Variants in WDR43 observed in about 807,000 individuals in gnomAD.
The protein encoded by WDR43 is WD repeat domain 43, also known as WD repeat-containing protein 43.
In WDR43, 13 loss-of-function variants were observed where a neutral mutation model predicts 91.4. That is an observed-to-expected ratio of 0.14 (90% CI 0.09 to 0.23). The LOEUF is 0.23. WDR43 is among the 10% of genes least tolerant of loss of function. The probability of loss-of-function intolerance (pLI) is 1.00; values close to 1 mark genes in which losing one functional copy is unlikely to be tolerated. For missense variants in WDR43, 780 were observed against 809.4 expected, an observed-to-expected ratio of 0.96 and a Z score of 0.44; for synonymous variants, 331 against 287.9, an observed-to-expected ratio of 1.15 and a Z score of -1.51.
At chr2:28,939,401 G>A (rs947295722) in intron 14 of WDR43, among the ~76,000 whole-genome samples, 1 of 152,202 alleles carries the variant, frequency 6.6e-6, no homozygotes, top group South Asian at 2.1e-4. Flanking sequence ...ATCAACTCCT[G>A]AGGTATAACC....
At chr2:28,917,399 C>G (rs1670932400) in intron 5 of WDR43, among the ~76,000 whole-genome samples, 1 of 152,156 alleles carries the variant, frequency 6.6e-6, no homozygotes, top group Non-Finnish European at 1.5e-5. Flanking sequence ...AATGTTAATT[C>G]TCCCCAAATT....
At chr2:28,919,512 C>CG (rs1558375595) in intron 6 of WDR43, among the ~76,000 whole-genome samples, 1 of 151,962 alleles carries the variant, frequency 6.6e-6, no homozygotes, top group African/African-American at 2.4e-5. Flanking sequence ...AAAAATTAGC[C>CG]GGGGCTGGTG....
At position 28,917,521 on chromosome 2, in the gene WDR43, T is replaced by C. The variant is rs370474064; in HGVS notation, c.747-372T>C. Among the ~76,000 whole-genome samples, 25 of 152,264 alleles carry C rather than the reference T, an allele frequency of 1.6e-4. 1 individual carries two copies. The East Asian group carries it at 2.3e-3, about 14-fold the overall frequency. ...AACAAATGACAATAGGCAAAATCAT[T>C]TTGAAAAAGAAGAAAATCATTGGAA... On this transcript the variant is annotated intron_variant, in intron 5 of 17. Coordinates refer to ENST00000407426, the MANE Select transcript of WDR43 (RefSeq NM_015131.3).
chr2:28,931,653 ATCT>A (rs1445465176), intron 11 of WDR43, among the ~76,000 whole-genome samples: 1 of 136,922 alleles, frequency 7.3e-6, no homozygotes, highest in African/African-American at 2.6e-5. Context: ...TCGGTTTAAA[ATCT>A]TTTTTTTTTT....
chr2:28,925,573 A>G (rs1572595250), intron 8 of WDR43, among the ~76,000 whole-genome samples: 1 of 152,256 alleles, frequency 6.6e-6, no homozygotes, highest in East Asian at 1.9e-4. Flanking sequence ...ATCTCTTAGT[A>G]TTAGCACTCA....
At chr2:28,918,245 G>A (rs2148187406) in intron 6 of WDR43, among the ~76,000 whole-genome samples, 1 of 152,202 alleles carries the variant, frequency 6.6e-6, no homozygotes, top group South Asian at 2.1e-4. Flanking sequence ...AAGTTGTTCA[G>A]GTGGATTTTG....
At chr2:28,943,782 A>G (rs1358048558) in intron 16 of WDR43, among the ~76,000 whole-genome samples, 1 of 152,224 alleles carries the variant, frequency 6.6e-6, no homozygotes, top group Admixed American at 6.5e-5. Flanking sequence ...ATCACATCAC[A>G]CATCACATTC....
At chr2:28,917,839 T>C in intron 5 of WDR43, 54 bp from the exon 6 acceptor site, 1 of 1,512,012 alleles carries the variant, frequency 6.6e-7, no homozygotes, top group South Asian at 1.2e-5. Flanking sequence ...TTTGCCTTTT[T>C]AGGAAGAAAA....
intron 11 of WDR43, among the ~76,000 whole-genome samples, chr2:28,933,363 C>T (rs902991306): frequency 2.6e-5 from 4 of 152,136 alleles, no homozygotes; most frequent in African/African-American, 7.2e-5. Flanking sequence ...AGTTTTATCT[C>T]ACCTTACACA....
chr2:28,941,332 G>A (rs1304217145), intron 14 of WDR43, 129 bp from the exon 15 acceptor site: 3 of 613,942 alleles, frequency 4.9e-6, no homozygotes, highest in Non-Finnish European at 5.6e-6. Context: ...GGTAGCCACT[G>A]CCACTGGGAG....
At chr2:28,903,312 C>T (rs1196190670) in intron 2 of WDR43, among the ~76,000 whole-genome samples, 1 of 151,938 alleles carries the variant, frequency 6.6e-6, no homozygotes, top group Non-Finnish European at 1.5e-5. Flanking sequence ...GAATTACTAA[C>T]CTAAAATTAG....
chr2:28,915,152 A>G (rs1231970358), intron 5 of WDR43, among the ~76,000 whole-genome samples: 2 of 152,168 alleles, frequency 1.3e-5, no homozygotes, highest in South Asian at 2.1e-4. Context: ...GACTCATCCA[A>G]TATGTATTCC....
In WDR43 at chr2:28,929,583, G is replaced by A. The variant is rs780755306; in HGVS notation, c.1310G>A (p.Ser437Asn). 5 of 1,611,020 alleles carry A rather than the reference G, an allele frequency of 3.1e-6. No homozygotes were observed. In the Admixed American group the frequency reaches 5.0e-5, roughly 16 times the overall value. ...ACAATCCTTTCTGTTCTGTAGGTTA[G>A]CATTGAAGAACGTCTGGGAGCAATG... ...SKRKSGGNEVSIEERLGAMDI... is the reference protein window; with the variant it reads ...SKRKSGGNEVNIEERLGAMDI... Residue 437 changes from serine (S) to asparagine (N), a missense_variant, in exon 11 of 18, where the codon AGC (serine) becomes AAC (asparagine). By Grantham distance (46) the Ser-to-Asn change is conservative. Coordinates refer to ENST00000407426, the MANE Select transcript of WDR43 (RefSeq NM_015131.3).
At chr2:28,915,100 G>A (rs984229239) in intron 5 of WDR43, among the ~76,000 whole-genome samples, 3 of 151,666 alleles carry the variant, frequency 2.0e-5, no homozygotes, top group African/African-American at 7.3e-5. Context: ...ACCATATAAA[G>A]TTACTATGAA....
intron 1 of WDR43, among the ~76,000 whole-genome samples, chr2:28,896,792 C>G (rs989283917): frequency 1.3e-5 from 2 of 152,168 alleles, no homozygotes; most frequent in African/African-American, 2.4e-5. Context: ...ATAGCCCAGA[C>G]TCAAAACTTA....
chr2:28,925,032 C>T lies in WDR43; in HGVS notation c.965C>T (p.Pro322Leu). ...TSNCTIQIAT[P>L]GKGKKSTPKP... ...AACTGCACAATTCAGATAGCAACAC[C>T]TGGGAAAGGCAAGAAGTCAACACCA... Residue 322 changes from proline to leucine, a missense_variant, in exon 8 of 18, where the codon CCT (proline) becomes CTT (leucine). By Grantham distance (98) the Pro-to-Leu change is moderately conservative. Coordinates refer to ENST00000407426, the MANE Select transcript of WDR43 (RefSeq NM_015131.3). The T allele has an allele frequency of 1.2e-6, 2 of 1,613,850 alleles. No homozygotes were observed. The highest frequency in any genetic ancestry group is 1.7e-6 in the Non-Finnish European group (2 of 1,179,838).
In WDR43 at chr2:28,926,492, A is replaced by G. The variant is rs965522581; in HGVS notation, c.1111A>G (p.Met371Val). The change falls in exon 9 of 18, where the codon ATG becomes GTG. Residue 371 changes from methionine (M) to valine (V), a missense_variant. By Grantham distance (21) the Met-to-Val change is conservative. Transcript: ENST00000407426. ...GGCTTTAAACTCCAGAGAACCTCAT[A>G]TGTGTTTAGTAAGAGATATTTCAAA... ...RVALNSREPH[M>V]CLVRDISNCW... is the part of the protein sequence containing the mutation. 2 of 1,596,010 alleles carry G rather than the reference A, an allele frequency of 1.3e-6. No homozygotes were observed. Among genetic ancestry groups the G allele is most frequent in the Non-Finnish European group, 1.7e-6 (2 of 1,170,214 alleles).
chr2:28,910,694 T>A lies in WDR43; in HGVS notation c.486-1896T>A, dbSNP rs187576439. On this transcript the variant is annotated intron_variant, in intron 3 of 17. Transcript: ENST00000407426. ...GTGTGTGTAAATATATATATATATA[T>A]AATTATTATTTTTATTTTTTTTGAG... Among the ~76,000 whole-genome samples the A allele has an allele frequency of 7.1e-4, 106 of 148,364 alleles. 1 individual carries two copies. The highest frequency in any genetic ancestry group is 2.4e-3 in the African/African-American group (100 of 40,872).
At chr2:28,933,818 G>T (rs564856697) in intron 11 of WDR43, among the ~76,000 whole-genome samples, 1 of 152,320 alleles carries the variant, frequency 6.6e-6, no homozygotes, top group Admixed American at 6.5e-5. Context: ...TGATAAAAAT[G>T]CGAAAGACAG....
Sources: allele counts gnomAD v4.1 joint callset (sites outside exome capture counted in the v4.1 genomes callset), GRCh38; gene constraint gnomAD v4.1.1; transcripts MANE v1.5; gene names NCBI Gene and HGNC (gene_info 2026-07-23, HGNC 2026-07-21).